The following CARMIL3 variants were observed in gnomAD, a reference collection of about 807,000 sequenced individuals.
CARMIL3 encodes the protein capping protein, Arp2/3 and myosin-I linker protein 3.
In CARMIL3, 88 loss-of-function variants were observed where a neutral mutation model predicts 180.8. That is an observed-to-expected ratio of 0.49 (90% CI 0.41 to 0.58). The LOEUF is 0.58. CARMIL3 is among the 20% of genes least tolerant of loss of function. The pLI, the probability that CARMIL3 is intolerant of heterozygous loss-of-function variation, is 0.00. For missense variants in CARMIL3, 1,548 were observed against 1,787.0 expected (o/e 0.87, Z 2.41); for synonymous variants, 696 against 714.5 (o/e 0.97, Z 0.41).
chr14:24,065,604 T>A lies in CARMIL3; in HGVS notation c.3397-18T>A, dbSNP rs376283103. 23 of 1,594,352 alleles carry A rather than the reference T, an allele frequency of 1.4e-5. No homozygotes were observed. The highest frequency in any genetic ancestry group is 1.9e-5 in the Non-Finnish European group (22 of 1,172,166). ...CCTTCGACTGGGAACTGCTAATAAA[T>A]AAGAGACCTTGTTCTAGGGCACTGA... is the stretch of plus-strand genomic sequence containing the variant. On this transcript the variant is annotated intron_variant, in intron 33 of 39. Transcript: ENST00000342740.
Position 24,063,529 on chromosome 14 carries a change from C to A in CARMIL3, c.2975C>A (p.Pro992His). Reference protein sequence around the residue: ...PRTTPPGPGRPSMPAPGTRQE... With the variant: ...PRTTPPGPGRHSMPAPGTRQE... ...ACCACACCTCCAGGACCTGGTCGAC[C>A]CAGTGTGAGTCCCTAAGGCTTCACA... Residue 992 changes from proline to histidine, a missense_variant, in exon 31 of 40, where the codon CCC becomes CAC. Transcript: ENST00000342740. 2 of 1,609,362 alleles carry A rather than the reference C, an allele frequency of 1.2e-6. No homozygotes were observed. Among genetic ancestry groups the A allele is most frequent in the Non-Finnish European group, 1.7e-6 (2 of 1,178,698 alleles).
At position 24,056,812 on chromosome 14, in the gene CARMIL3, G is replaced by A; in HGVS notation, c.953-103G>A. On this transcript the variant is annotated intron_variant, in intron 12 of 39. Coordinates refer to ENST00000342740, the MANE Select transcript of CARMIL3 (RefSeq NM_138360.4). ...ACATTCACACACCACCTCAGGGATG[G>A]AAGAGTGAAAAGGAGCCACGTTTGG... 2.6e-6 allele frequency: 4 copies of A among 1,525,092 alleles called. No individual in the cohort carries two copies. The South Asian group carries it at 4.5e-5, about 17-fold the overall frequency. The allele number at this position is 1,525,092 out of a possible 1,614,324, so 94.5% of individuals were successfully genotyped here.
Position 24,053,697 on chromosome 14 carries a change from AC to A in CARMIL3, c.41-5del, listed in dbSNP as rs201715152. ...AAGGTGAAGCTCTGAGCAGGCTCCC[AC>A]CCCCCCTCAGACAGCATCCGGAGGT... On this transcript the variant is annotated splice_polypyrimidine_tract_variant and intron_variant, in intron 1 of 39. Coordinates refer to ENST00000342740, the MANE Select transcript of CARMIL3 (RefSeq NM_138360.4). The A allele has an allele frequency of 6.9e-6, 11 of 1,597,358 alleles. No homozygotes were observed. Among genetic ancestry groups the A allele is most frequent in the Admixed American group, 5.1e-5 (3 of 58,672 alleles).
In CARMIL3 at chr14:24,057,240, A is replaced by G. The variant is rs45508393; in HGVS notation, c.1136A>G (p.Asp379Gly). 12,156 of 1,613,656 alleles carry G rather than the reference A, an allele frequency of 7.5e-3. 69 individuals are homozygous for G. Among genetic ancestry groups the G allele is most frequent in the Non-Finnish European group, 8.8e-3 (10,384 of 1,179,786 alleles). The change falls in exon 14 of 40, where the codon GAC becomes GGC. Residue 379 changes from aspartate (D) to glycine (G), a missense_variant. Physicochemically the swap from Asp to Gly is moderately conservative, Grantham distance 94 (BLOSUM62 -1). This residue lies in a region of CARMIL3 where 578 missense variants were observed against 666.5 expected (regional missense o/e 0.87). Coordinates refer to ENST00000342740, the MANE Select transcript of CARMIL3 (RefSeq NM_138360.4). Reference sequence around the variant, plus strand: ...CTGTCAGGAACTGACTGCGTCATCGACTTGGTGAGGAGTTGGTGATGGGAA... The same window carrying G: ...CTGTCAGGAACTGACTGCGTCATCGGCTTGGTGAGGAGTTGGTGATGGGAA... ...LDLSGTDCVI[D>G]LLLGALLHGC...
chr14:24,065,675 G>T lies in CARMIL3; in HGVS notation c.3450G>T (p.Gln1150His), dbSNP rs1455705649. Reference protein sequence around the residue: ...GEGGPAPGTAQQPRVHGVALP... With the variant: ...GEGGPAPGTAHQPRVHGVALP... ...GGGGCCCAGCCCCTGGGACAGCACA[G>T]CAGCCAAGGGTTCACGGTGTTGCCC... The change falls in exon 34 of 40, where the codon CAG (glutamine) becomes CAT (histidine). Residue 1150 changes from glutamine to histidine, a missense_variant. Coordinates refer to ENST00000342740, the MANE Select transcript of CARMIL3 (RefSeq NM_138360.4). 4 of 1,614,052 alleles carry T rather than the reference G, an allele frequency of 2.5e-6. No individual in the cohort carries two copies. Among genetic ancestry groups the T allele is most frequent in the Non-Finnish European group, 3.4e-6 (4 of 1,179,940 alleles).
Position 24,060,631 on chromosome 14 carries a change from CTGCAGCGGCTG to C in CARMIL3, c.2068_2078del (p.Gln690TrpfsTer21). 1 of 1,613,774 alleles carries C rather than the reference CTGCAGCGGCTG, an allele frequency of 6.2e-7. No individual in the cohort carries two copies. ...CACCCCTGCCACTGTGCTCCAGATG[CTGCAGCGGCTG>C]TGTGGACGAGTGCAGGAGGAGGTGC... On this transcript the variant is annotated frameshift_variant, in exon 25 of 40. Transcript: ENST00000342740. LOFTEE classifies it high-confidence loss of function.
Position 24,062,699 on chromosome 14 carries a change from C to G in CARMIL3, c.2569-10C>G. The G allele has an allele frequency of 6.2e-7, 1 of 1,607,882 alleles. No homozygotes were observed. The highest frequency in any genetic ancestry group is 1.7e-4 in the Middle Eastern group (1 of 6,024). On this transcript the variant is annotated splice_polypyrimidine_tract_variant and intron_variant, in intron 28 of 39. Coordinates refer to ENST00000342740, the MANE Select transcript of CARMIL3 (RefSeq NM_138360.4). ...TCCATGGAATTCTGTTCACACCTGC[C>G]CTTCCCCAGGCCCGGCACCTGACCC...
At chr14:24,068,121 G>A (rs2035808160) in intron 36 of CARMIL3, among the ~76,000 whole-genome samples, 2 of 152,246 alleles carry the variant, frequency 1.3e-5, no homozygotes, top group South Asian at 4.1e-4. Flanking sequence ...ATGAAAGACC[G>A]GGTGCGGTGG....
chr14:24,060,018 A>G lies in CARMIL3; in HGVS notation c.1917A>G (p.Gln639=). 6.2e-7 allele frequency: 1 copy of G among 1,613,986 alleles called. No homozygotes were observed. Among genetic ancestry groups the G allele is most frequent in the Non-Finnish European group, 8.5e-7 (1 of 1,180,012 alleles). Residue 639 remains glutamine, a synonymous_variant, in exon 23 of 40, where the codon CAA becomes CAG. Coordinates refer to ENST00000342740, the MANE Select transcript of CARMIL3 (RefSeq NM_138360.4). ...FMSFPVSDIS[Q]AYRSAPERTE... ...CCTTCCCCGTGAGCGACATCTCCCA[A>G]GCCTATCGCAGCGCGCCTGAGCGCA...
chr14:24,063,404 C>A lies in CARMIL3; in HGVS notation c.2850C>A (p.Ser950Arg). 6.2e-7 allele frequency: 1 copy of A among 1,613,614 alleles called. No homozygotes were observed. The change falls in exon 31 of 40, where the codon AGC becomes AGA. Residue 950 changes from serine (S) to arginine (R), a missense_variant. By Grantham distance (110) the Ser-to-Arg change is moderately radical. This residue lies in a region of CARMIL3 where 668 missense variants were observed against 687.8 expected (regional missense o/e 0.97). Coordinates refer to ENST00000342740, the MANE Select transcript of CARMIL3 (RefSeq NM_138360.4). ...GCTGGTTCTCAGGACTTGGGGGCAG[C>A]CAGCCCACAGCTAGTGGCTCCTGGG... is the stretch of plus-strand genomic sequence containing the variant. ...PPGWFSGLGG[S>R]QPTASGSWEG...
chr14:24,061,990 A>C lies in CARMIL3; in HGVS notation c.2480+318A>C, dbSNP rs1432217344. On this transcript the variant is annotated intron_variant, in intron 27 of 39. Transcript: ENST00000342740. The surrounding 1 kb of genome is among the most constrained non-coding windows in gnomAD (Gnocchi z 4.1). ...AAAGAAAAGTACCTGAGTTGGGTGCATGGAAGCACTGTCTTCCTCCCAGTT... is the reference window on the plus strand; with the variant it reads ...AAAGAAAAGTACCTGAGTTGGGTGCCTGGAAGCACTGTCTTCCTCCCAGTT... 1 of 351,422 alleles carries C rather than the reference A, an allele frequency of 2.8e-6. No homozygotes were observed. The highest frequency in any genetic ancestry group is 5.6e-5 in the East Asian group (1 of 17,936). The allele number at this position is 351,422 out of a possible 1,614,324, so 21.8% of individuals were successfully genotyped here.
intron 11 of CARMIL3, 33 bp downstream of exon 11, chr14:24,056,426 C>T: frequency 6.3e-7 from 1 of 1,588,062 alleles, no homozygotes; most frequent in Non-Finnish European, 8.6e-7. Flanking sequence ...GTCCCCATCC[C>T]AATGCAGACC....
Position 24,068,948 on chromosome 14 carries a change from G to A in CARMIL3, c.3964G>A (p.Glu1322Lys). The change falls in exon 38 of 40, where the codon GAG (glutamate) becomes AAG (lysine). Residue 1322 changes from glutamate (E) to lysine (K), a missense_variant. Coordinates refer to ENST00000342740, the MANE Select transcript of CARMIL3 (RefSeq NM_138360.4). The part of the protein sequence containing the change: ...RLRLSSQQDQ[E>K]EPEVQGPPDP... ...GAGGCTGAGCTCACAGCAAGACCAA[G>A]AGGAGCCCGAAGTCCAAGGTCTGCC... is the stretch of plus-strand genomic sequence containing the variant. The A allele has an allele frequency of 1.9e-6, 3 of 1,566,382 alleles. No homozygotes were observed. Among genetic ancestry groups the A allele is most frequent in the Non-Finnish European group, 2.6e-6 (3 of 1,154,828 alleles).
intron 33 of CARMIL3, 30 bp downstream of exon 33, chr14:24,065,303 C>T: frequency 6.8e-7 from 1 of 1,479,924 alleles, no homozygotes; most frequent in Non-Finnish European, 8.9e-7. Flanking sequence ...CTGTGTCTTC[C>T]CCTTTTCCTG....
intron 31 of CARMIL3, 79 bp downstream of exon 31, chr14:24,063,612 A>C: frequency 1.4e-6 from 2 of 1,385,880 alleles, no homozygotes; most frequent in Non-Finnish European, 2.0e-6. Context: ...TAGGACCCAA[A>C]TGCCAGAGAC....
chr14:24,065,360 G>A, intron 33 of CARMIL3, 87 bp downstream of exon 33: 2 of 1,269,356 alleles, frequency 1.6e-6, no homozygotes, highest in Non-Finnish European at 2.1e-6. Context: ...CTTAATGGGA[G>A]AATGCTAGGA....
rs375694930 is a variant in CARMIL3 at position 24,055,525 on chromosome 14, C to T, written c.606-18C>T. ...CCACCTGCTCACCACTTTCCTGCCC[C>T]CTTCCATATCCCCACAGAGACTTGG... On this transcript the variant is annotated intron_variant, in intron 8 of 39. Coordinates refer to ENST00000342740, the MANE Select transcript of CARMIL3 (RefSeq NM_138360.4). 1 of 1,613,976 alleles carries T rather than the reference C, an allele frequency of 6.2e-7. No individual in the cohort carries two copies. Among genetic ancestry groups the T allele is most frequent in the Non-Finnish European group, 8.5e-7 (1 of 1,179,848 alleles).
At chr14:24,067,591 C>T (rs2035799761) in intron 36 of CARMIL3, among the ~76,000 whole-genome samples, 1 of 152,278 alleles carries the variant, frequency 6.6e-6, no homozygotes, top group African/African-American at 2.4e-5. Flanking sequence ...TAGCCTGAGA[C>T]TTGGAGTGCC....
rs1325884226 is a variant in CARMIL3 at position 24,058,749 on chromosome 14, C to T, written c.1462C>T (p.Leu488=). Residue 488 remains leucine, a synonymous_variant, in exon 18 of 40, where the codon CTG becomes TTG. Transcript: ENST00000342740. This position sits in a 1 kb window ranked among gnomAD's most constrained non-coding sequence, Gnocchi z 6.4. ...TGTCACCTGTGTAGGCAGCCTGGATCTGTCAGACAATGGTGAGTAGTGGTT... is the reference window on the plus strand; with the variant it reads ...TGTCACCTGTGTAGGCAGCCTGGATTTGTCAGACAATGGTGAGTAGTGGTT... ...GAVTCVGSLD[L]SDNGFDSDLL... is the part of the protein sequence containing the mutation. 1.9e-6 allele frequency: 3 copies of T among 1,614,164 alleles called. No individual in the cohort carries two copies. The highest frequency in any genetic ancestry group is 2.5e-6 in the Non-Finnish European group (3 of 1,180,034).
Sources: allele counts gnomAD v4.1 joint callset (sites outside exome capture counted in the v4.1 genomes callset), GRCh38; gene constraint gnomAD v4.1.1; regional missense constraint gnomAD v4.1.1; non-coding constraint Gnocchi (gnomAD v3.1); transcripts MANE v1.5; gene names NCBI Gene and HGNC (gene_info 2026-07-23, HGNC 2026-07-21).